TOP1: variants seen among roughly 807,000 people sequenced by gnomAD.
The protein encoded by TOP1 is DNA topoisomerase 1.
Under a neutral mutation model 111.1 loss-of-function variants are expected in TOP1, and 10 were observed. The observed-to-expected ratio is 0.09, with a 90% CI of 0.06 to 0.15. The LOEUF (loss-of-function observed/expected upper bound fraction) is 0.15. Among genes scored for constraint, TOP1 ranks in the 10% least tolerant of loss-of-function variants. TOP1 has a pLI of 1.00. For synonymous variants in TOP1, 271 were observed against 302.9 expected (o/e 0.89, Z 1.10); for missense variants, 474 against 926.7 (o/e 0.51, Z 6.34).
Position 41,063,340 on chromosome 20 carries a change from T to C in TOP1, c.155+1850T>C, listed in dbSNP as rs575052810. Among the ~76,000 whole-genome samples the C allele has an allele frequency of 1.3e-4, 20 of 152,312 alleles. No homozygotes were observed. The South Asian group carries it at 2.3e-3, about 17-fold the overall frequency. On this transcript the variant is annotated intron_variant, in intron 3 of 20. Coordinates refer to ENST00000361337, the MANE Select transcript of TOP1 (RefSeq NM_003286.4). Reference sequence around the variant, plus strand: ...AACATTTTCTTTATCCAATCCATCATTGCTGGGTACCTAGGTTGATTCCAT... The same window carrying C: ...AACATTTTCTTTATCCAATCCATCACTGCTGGGTACCTAGGTTGATTCCAT...
intron 2 of TOP1, among the ~76,000 whole-genome samples, chr20:41,044,211 G>C (rs2122600137): frequency 6.6e-6 from 1 of 152,276 alleles, no homozygotes; most frequent in African/African-American, 2.4e-5. Flanking sequence ...TGGAGGCGGA[G>C]GTTGCAGTGA....
chr20:41,063,840 A>G (rs2033575606), intron 3 of TOP1, among the ~76,000 whole-genome samples: 1 of 151,232 alleles, frequency 6.6e-6, no homozygotes, highest in South Asian at 2.1e-4. Flanking sequence ...TGGATATTAT[A>G]CCTGTTAGAC....
At chr20:41,103,779 A>T (rs2034101502) in intron 13 of TOP1, among the ~76,000 whole-genome samples, 1 of 152,040 alleles carries the variant, frequency 6.6e-6, no homozygotes, top group Non-Finnish European at 1.5e-5. Flanking sequence ...AGGCTACTTT[A>T]TTTTCTCTAT....
intron 8 of TOP1, among the ~76,000 whole-genome samples, chr20:41,085,025 T>C (rs1311876601): frequency 1.3e-5 from 2 of 152,104 alleles, no homozygotes; most frequent in East Asian, 3.8e-4. Flanking sequence ...GGAAAGGTGT[T>C]TTACATTTGA....
intron 9 of TOP1, among the ~76,000 whole-genome samples, chr20:41,093,512 A>C (rs1600585038): frequency 2.1e-5 from 3 of 143,402 alleles, no homozygotes; most frequent in Non-Finnish European, 3.1e-5. Context: ...TTCCTCTTCC[A>C]CCTCCACTTG....
In TOP1 at chr20:41,083,059, G is replaced by GT. The variant is rs543041710; in HGVS notation, c.508-1396dup. Among the ~76,000 whole-genome samples, 6 of 152,026 alleles carry GT rather than the reference G, an allele frequency of 3.9e-5. No homozygotes were observed. The highest frequency in any genetic ancestry group is 7.2e-5 in the African/African-American group (3 of 41,394). ...CATTAAACCTCACTCGCCAACTATA[G>GT]TTTTTTTGTTTTTTGTTTTTTTCTC... On this transcript the variant is annotated intron_variant, in intron 7 of 20. Coordinates refer to ENST00000361337, the MANE Select transcript of TOP1 (RefSeq NM_003286.4). The surrounding 1 kb of genome is among the most constrained non-coding windows in gnomAD (Gnocchi z 7.2).
intron 2 of TOP1, among the ~76,000 whole-genome samples, chr20:41,052,940 A>G (rs965951661): frequency 2.6e-5 from 4 of 152,184 alleles, no homozygotes; most frequent in Non-Finnish European, 4.4e-5. Context: ...CAGGGAGCTG[A>G]GATTGCACCA....
chr20:41,040,055 A>G (rs2033241785), intron 2 of TOP1, among the ~76,000 whole-genome samples: 1 of 152,260 alleles, frequency 6.6e-6, no homozygotes, highest in African/African-American at 2.4e-5. Flanking sequence ...AATTGATTGA[A>G]ATAAAGTATT....
intron 3 of TOP1, chr20:41,073,467 T>G (rs1237223224): frequency 4.6e-5 from 45 of 985,134 alleles, no homozygotes; most frequent in Non-Finnish European, 4.9e-5. Context: ...ATCTTTATTC[T>G]AGAAAGTTTC....
chr20:41,111,466 T>G (rs2034238482), intron 13 of TOP1, among the ~76,000 whole-genome samples: 1 of 152,176 alleles, frequency 6.6e-6, no homozygotes, highest in Non-Finnish European at 1.5e-5. Context: ...TGCAGATGAC[T>G]CCTTAGCTTA....
intron 3 of TOP1, among the ~76,000 whole-genome samples, chr20:41,062,542 ATCTAC>A (rs1275084656): frequency 1.3e-5 from 2 of 152,114 alleles, no homozygotes; most frequent in Non-Finnish European, 2.9e-5. Context: ...CAGTAGTTGA[ATCTAC>A]TCTACATCTT....
intron 2 of TOP1, among the ~76,000 whole-genome samples, chr20:41,057,304 C>T (rs2033485663): frequency 6.6e-6 from 1 of 151,152 alleles, no homozygotes; most frequent in Non-Finnish European, 1.5e-5. Flanking sequence ...ATTGCTTGAA[C>T]CCGGGAGGCT....
chr20:41,063,425 A>C (rs911256030), intron 3 of TOP1, among the ~76,000 whole-genome samples: 4 of 152,134 alleles, frequency 2.6e-5, no homozygotes, highest in Non-Finnish European at 5.9e-5. Flanking sequence ...CTTTTTAGTA[A>C]AATGATTTGT....
chr20:41,087,100 TC>T (rs2061544607), intron 8 of TOP1, among the ~76,000 whole-genome samples: 2 of 152,248 alleles, frequency 1.3e-5, no homozygotes, highest in Admixed American at 6.5e-5. Flanking sequence ...CCCTCGTAAG[TC>T]CGCAGACCTG....
At chr20:41,105,300 A>G (rs749043488) in intron 13 of TOP1, among the ~76,000 whole-genome samples, 14 of 152,154 alleles carry the variant, frequency 9.2e-5, no homozygotes, top group Non-Finnish European at 1.9e-4. Context: ...CTAAAGACAT[A>G]TTGTACAACC....
intron 3 of TOP1, among the ~76,000 whole-genome samples, chr20:41,064,736 C>G (rs1457431571): frequency 2.0e-5 from 3 of 152,126 alleles, no homozygotes; most frequent in Admixed American, 2.0e-4. Flanking sequence ...TTAAATGCCA[C>G]TTTTGTGTGC....
Position 41,046,284 on chromosome 20 carries a change from G to A in TOP1, c.59-15110G>A, listed in dbSNP as rs145515910. Among the ~76,000 whole-genome samples, 332 of 152,242 alleles carry A rather than the reference G, an allele frequency of 2.2e-3. 1 individual carries two copies. The highest frequency in any genetic ancestry group is 6.6e-3 in the African/African-American group (273 of 41,534). ...TACTTTTGAAGAAATTGAATCTCAC[G>A]GTTTAAGTAAAGTAACTAGCTCAAG... On this transcript the variant is annotated intron_variant, in intron 2 of 20. Transcript: ENST00000361337. The surrounding 1 kb of genome is among the most constrained non-coding windows in gnomAD (Gnocchi z 4.3).
Position 41,030,108 on chromosome 20 carries a change from C to A in TOP1, c.58+653C>A, listed in dbSNP as rs1228437498. Among the ~76,000 whole-genome samples the A allele has an allele frequency of 6.6e-6, 1 of 151,678 alleles. No individual in the cohort carries two copies. Among genetic ancestry groups the A allele is most frequent in the African/African-American group, 2.4e-5 (1 of 41,238 alleles). On this transcript the variant is annotated intron_variant, in intron 2 of 20. Coordinates refer to ENST00000361337, the MANE Select transcript of TOP1 (RefSeq NM_003286.4). The surrounding 1 kb of genome is among the most constrained non-coding windows in gnomAD (Gnocchi z 4.1). Reference sequence around the variant, plus strand: ...ACGCTTTGTGGAGTTCTTTATATTTCCAGGTTGTTTTTCCCAAGTTACGTT... The same window carrying A: ...ACGCTTTGTGGAGTTCTTTATATTTACAGGTTGTTTTTCCCAAGTTACGTT...
At chr20:41,031,712 A>G (rs563923414) in intron 2 of TOP1, among the ~76,000 whole-genome samples, 1 of 152,380 alleles carries the variant, frequency 6.6e-6, no homozygotes, top group Admixed American at 6.5e-5. Context: ...TGTATTTACT[A>G]GCTTGCCCAA....
Sources: gnomAD v4.1 joint callset for allele counts (sites outside exome capture counted in the v4.1 genomes callset) on GRCh38, gnomAD v4.1.1 for gene constraint, Gnocchi (gnomAD v3.1) non-coding constraint, MANE v1.5 for transcripts, NCBI Gene and HGNC (gene_info 2026-07-23, HGNC 2026-07-21) for gene names.